SNTG1: variants seen among roughly 807,000 people sequenced by gnomAD.
SNTG1 encodes gamma-1-syntrophin.
Under a neutral mutation model 74.7 loss-of-function variants are expected in SNTG1, and 39 were observed. That is an observed-to-expected ratio of 0.52 (90% confidence interval 0.40 to 0.68). The LOEUF is 0.68. SNTG1 is among the 30% of genes least tolerant of loss of function. The pLI, the probability that SNTG1 is intolerant of heterozygous loss-of-function variation, is 0.00. For missense variants in SNTG1, 685 were observed against 609.5 expected, an observed-to-expected ratio of 1.12 and a Z score of -1.30; for synonymous variants, 254 against 217.1, an observed-to-expected ratio of 1.17 and a Z score of -1.49.
intron 12 of SNTG1, among the ~76,000 whole-genome samples, chr8:50,589,268 A>G (rs2094675431): frequency 6.6e-6 from 1 of 152,216 alleles, no homozygotes; most frequent in South Asian, 2.1e-4. Context: ...GAAACTAACA[A>G]AAACAAAAAA....
intron 1 of SNTG1, among the ~76,000 whole-genome samples, chr8:50,148,571 C>T (rs1190730575): frequency 6.6e-6 from 1 of 152,130 alleles, no homozygotes; most frequent in African/African-American, 2.4e-5. Flanking sequence ...CCAGAACAGG[C>T]CCCAGTGTGT....
intron 1 of SNTG1, among the ~76,000 whole-genome samples, chr8:50,089,967 T>C (rs1365675287): frequency 6.6e-6 from 1 of 152,228 alleles, no homozygotes; most frequent in East Asian, 1.9e-4. Flanking sequence ...CGAATGTTTA[T>C]TGCGGCATTA....
intron 2 of SNTG1, among the ~76,000 whole-genome samples, chr8:50,337,929 G>A (rs528579650): frequency 6.6e-6 from 1 of 152,168 alleles, no homozygotes. Flanking sequence ...GAGGTCAGGA[G>A]ATCGAGACCA....
chr8:50,082,336 T>G (rs1264938117), intron 1 of SNTG1, among the ~76,000 whole-genome samples: 2 of 152,204 alleles, frequency 1.3e-5, no homozygotes, highest in Non-Finnish European at 2.9e-5. Context: ...TTTACTTTTA[T>G]GCACAATAAT....
intron 17 of SNTG1, among the ~76,000 whole-genome samples, chr8:50,732,070 T>C (rs1508622): frequency 0.42 from 63,295 of 151,800 alleles, 15,676 homozygotes; most frequent in African/African-American, 0.7. Context: ...TCATGCTTCA[T>C]ATTCAAAAAT....
intron 2 of SNTG1, among the ~76,000 whole-genome samples, chr8:50,353,480 C>CT (rs200004336): frequency 4.1e-4 from 62 of 152,016 alleles, no homozygotes; most frequent in East Asian, 5.8e-4. Context: ...ATATTTTAGT[C>CT]TTTTTTTTCA....
chr8:49,943,955 T>C (rs2129379745), intron 1 of SNTG1, among the ~76,000 whole-genome samples: 1 of 152,328 alleles, frequency 6.6e-6, no homozygotes, highest in Non-Finnish European at 1.5e-5. Context: ...AAATTTAATC[T>C]CATTATAGTT....
chr8:50,307,405 G>T (rs1295568843), intron 2 of SNTG1, among the ~76,000 whole-genome samples: 1 of 151,814 alleles, frequency 6.6e-6, no homozygotes. Flanking sequence ...ACTATATGTA[G>T]TGGTATTGCA....
intron 8 of SNTG1, among the ~76,000 whole-genome samples, chr8:50,463,483 A>G (rs1376250288): frequency 6.6e-6 from 1 of 152,148 alleles, no homozygotes; most frequent in East Asian, 1.9e-4. Context: ...AACAAAATTA[A>G]TCTTATTTTA....
intron 1 of SNTG1, among the ~76,000 whole-genome samples, chr8:50,034,984 TTGCACAGAACAATC>T (rs941114066): frequency 2.9e-4 from 44 of 152,318 alleles, no homozygotes; most frequent in African/African-American, 8.7e-4. Context: ...CAGAGGTTCC[TTGCACAGAACAATC>T]TGCACTCCAA....
chr8:50,626,832 G>C (rs2094959685), intron 13 of SNTG1, among the ~76,000 whole-genome samples: 1 of 152,154 alleles, frequency 6.6e-6, no homozygotes, highest in African/African-American at 2.4e-5. Flanking sequence ...CAGTTTTGGG[G>C]CCAGTTTTTG....
chr8:50,769,715 G>T (rs891158201), intron 18 of SNTG1, among the ~76,000 whole-genome samples: 1 of 151,822 alleles, frequency 6.6e-6, no homozygotes. Flanking sequence ...ATGGCCATAG[G>T]TATCAAGATA....
intron 1 of SNTG1, among the ~76,000 whole-genome samples, chr8:50,072,400 T>C (rs1770309867): frequency 6.6e-6 from 1 of 152,204 alleles, no homozygotes; most frequent in Admixed American, 6.5e-5. Context: ...ATATGAGTTA[T>C]TCTTTAGGAG....
chr8:50,679,497 T>G lies in SNTG1; in HGVS notation c.1038+20834T>G, dbSNP rs181551274. The stretch of plus-strand genomic sequence containing the variant: ...ATAAGTCTGTTTAAACTAGTCACTT[T>G]GTAAGCATTCAATACATGTTAGTGA... On this transcript the variant is annotated intron_variant, in intron 15 of 18. Transcript: ENST00000642720. 2.9e-4 allele frequency among the ~76,000 whole-genome samples: 44 copies of G among 152,306 alleles called. 1 individual carries two copies. The East Asian group carries it at 8.5e-3, about 29-fold the overall frequency.
intron 9 of SNTG1, among the ~76,000 whole-genome samples, chr8:50,510,995 T>G (rs1312225931): frequency 6.6e-6 from 1 of 152,218 alleles, no homozygotes; most frequent in Non-Finnish European, 1.5e-5. Context: ...CTATTTCTTT[T>G]AACTGTGATG....
chr8:50,555,556 T>G (rs1266993736), intron 12 of SNTG1, among the ~76,000 whole-genome samples: 1 of 152,178 alleles, frequency 6.6e-6, no homozygotes, highest in Non-Finnish European at 1.5e-5. Flanking sequence ...ATTTTTTAAT[T>G]CTAAAGATAT....
At chr8:50,010,785 C>CTTTTT (rs774350614) in intron 1 of SNTG1, among the ~76,000 whole-genome samples, 37 of 89,080 alleles carry the variant, frequency 4.2e-4, no homozygotes, top group African/African-American at 6.9e-4. Flanking sequence ...ACAGGCCTCT[C>CTTTTT]TTTTTTTTTT....
rs117114241 is a variant in SNTG1 at position 49,927,101 on chromosome 8, A to G, written c.-103+14870A>G. ...ATGGCCAAAATCTAAAACACTGACAATACAAAATGTTGACAAGAATGTGGG... is the reference window on the plus strand; with the variant it reads ...ATGGCCAAAATCTAAAACACTGACAGTACAAAATGTTGACAAGAATGTGGG... On this transcript the variant is annotated intron_variant, in intron 1 of 18. Transcript: ENST00000642720. 5.3e-3 allele frequency among the ~76,000 whole-genome samples: 808 copies of G among 152,324 alleles called. 4 individuals carry two copies. Among genetic ancestry groups the G allele is most frequent in the Non-Finnish European group, 9.7e-3 (659 of 68,010 alleles).
intron 2 of SNTG1, among the ~76,000 whole-genome samples, chr8:50,383,162 G>GT (rs1229316075): frequency 2.0e-5 from 3 of 152,116 alleles, no homozygotes; most frequent in Admixed American, 6.6e-5. Flanking sequence ...CTTTGTCAAC[G>GT]TAACATTCAT....
Sources: allele counts gnomAD v4.1 joint callset (sites outside exome capture counted in the v4.1 genomes callset), GRCh38; gene constraint gnomAD v4.1.1; transcripts MANE v1.5; gene names NCBI Gene and HGNC (gene_info 2026-07-23, HGNC 2026-07-21).